HSF2BP: variants seen among roughly 807,000 people sequenced by gnomAD.
The protein encoded by HSF2BP is heat shock transcription factor 2 binding protein.
A neutral mutation model predicts 35.0 loss-of-function variants in HSF2BP; 35 were observed. That is an observed-to-expected ratio of 1.00 (90% CI 0.76 to 1.32). HSF2BP has a LOEUF of 1.32. HSF2BP is among the 40% of genes most tolerant of loss of function. The pLI is 0.00. For synonymous variants in HSF2BP, 114 were observed against 117.4 expected (o/e 0.97, Z 0.18); for missense variants, 326 against 321.7 (o/e 1.01, Z -0.10).
intron 7 of HSF2BP, among the ~76,000 whole-genome samples, chr21:43,596,656 G>A (rs1035825938): frequency 2.0e-5 from 3 of 151,920 alleles, no homozygotes; most frequent in Non-Finnish European, 4.4e-5. Flanking sequence ...GCTTGAGCCC[G>A]GAGTTCAAAA....
chr21:43,625,784 A>G (rs945805580), intron 6 of HSF2BP, among the ~76,000 whole-genome samples: 2 of 152,150 alleles, frequency 1.3e-5, no homozygotes, highest in African/African-American at 4.8e-5. Flanking sequence ...AGTGCCCACT[A>G]TCCAACTCTT....
intron 7 of HSF2BP, among the ~76,000 whole-genome samples, chr21:43,612,523 C>G (rs1032880952): frequency 6.6e-6 from 1 of 151,950 alleles, no homozygotes; most frequent in Admixed American, 6.6e-5. Context: ...TGGTGGCGGG[C>G]GCCTGTAGTC....
rs559680085 is a variant in HSF2BP at position 43,659,105 on chromosome 21, T to C, written c.-225+281A>G. Among the ~76,000 whole-genome samples, 2 of 152,102 alleles carry C rather than the reference T, an allele frequency of 1.3e-5. No homozygotes were observed. Among genetic ancestry groups the C allele is most frequent in the East Asian group, 3.9e-4 (2 of 5,120 alleles). The stretch of plus-strand genomic sequence containing the variant: ...TTGAGCCCAGGAGTTTGAGACCAGC[T>C]TGGGCAACATAGCGAGACACCGTCT... On this transcript the variant is annotated intron_variant, in intron 1 of 8. Transcript: ENST00000291560. The surrounding 1 kb of genome is among the most constrained non-coding windows in gnomAD (Gnocchi z 4.2).
chr21:43,596,387 TACACAC>T (rs112009393), intron 7 of HSF2BP, among the ~76,000 whole-genome samples: 1 of 147,350 alleles, frequency 6.8e-6, no homozygotes, highest in Non-Finnish European at 1.5e-5. Context: ...GCTAGTGAAA[TACACAC>T]ACACACACAC....
chr21:43,656,738 C>T lies in HSF2BP; in HGVS notation c.37-1G>A. On this transcript the variant is annotated splice_acceptor_variant, in intron 2 of 8. Transcript: ENST00000291560. LOFTEE classifies it high-confidence loss of function. ...CAAATTCCTCTTTAGTTCCCATGTG[C>T]TAAAAGAACAAGCAGATCTTATTAT... 1.2e-6 allele frequency: 2 copies of T among 1,608,154 alleles called. No individual in the cohort carries two copies. Among genetic ancestry groups the T allele is most frequent in the Non-Finnish European group, 1.7e-6 (2 of 1,178,266 alleles).
At chr21:43,576,516 T>C (rs2081646211) in intron 8 of HSF2BP, among the ~76,000 whole-genome samples, 3 of 152,202 alleles carry the variant, frequency 2.0e-5, no homozygotes, top group Admixed American at 6.5e-5. Context: ...TTTGCTTCCA[T>C]TGCTGTTCAT....
intron 3 of HSF2BP, among the ~76,000 whole-genome samples, chr21:43,653,194 GGGAAGGGGAAGGGA>G (rs2082816213): frequency 6.0e-5 from 1 of 16,710 alleles, no homozygotes; most frequent in East Asian, 3.9e-3. Context: ...GGGAAAGGAA[GGGAAGGGGAAGGGA>G]AGGGAAGGGG....
At chr21:43,588,789 AC>A (rs1208819068) in intron 8 of HSF2BP, among the ~76,000 whole-genome samples, 21 of 152,246 alleles carry the variant, frequency 1.4e-4, no homozygotes, top group Middle Eastern at 3.4e-3. Flanking sequence ...TAGTTACCTT[AC>A]AGGTCAGGTC....
At chr21:43,580,691 C>A (rs1358811955) in intron 8 of HSF2BP, among the ~76,000 whole-genome samples, 2 of 152,198 alleles carry the variant, frequency 1.3e-5, no homozygotes, top group Non-Finnish European at 2.9e-5. Context: ...TGGGCTAACG[C>A]AAAACTATCA....
intron 4 of HSF2BP, among the ~76,000 whole-genome samples, chr21:43,638,232 C>T (rs764308776): frequency 5.3e-5 from 8 of 152,040 alleles, no homozygotes; most frequent in African/African-American, 1.2e-4. Context: ...CCAAGGCAGG[C>T]GGATCACTTG....
chr21:43,629,507 G>A (rs1433558285), intron 6 of HSF2BP, among the ~76,000 whole-genome samples: 1 of 152,258 alleles, frequency 6.6e-6, no homozygotes. Flanking sequence ...GGAGGCTGCA[G>A]TGAGCCGAGA....
chr21:43,643,005 C>T (rs1568937721), intron 4 of HSF2BP, among the ~76,000 whole-genome samples: 2 of 151,992 alleles, frequency 1.3e-5, no homozygotes, highest in Admixed American at 6.5e-5. Context: ...AGCCACTGTA[C>T]CTGGCCTGTT....
intron 7 of HSF2BP, among the ~76,000 whole-genome samples, chr21:43,599,867 C>CAAAAAAA (rs11379827): frequency 7.5e-6 from 1 of 132,506 alleles, no homozygotes; most frequent in African/African-American, 2.8e-5. Flanking sequence ...CTTCCAATGA[C>CAAAAAAA]AAAAAAAAAA....
At chr21:43,650,355 C>T (rs1205098531) in intron 3 of HSF2BP, among the ~76,000 whole-genome samples, 1 of 151,872 alleles carries the variant, frequency 6.6e-6, no homozygotes, top group East Asian at 1.9e-4. Context: ...TACAGGCGCC[C>T]GCCACCATGC....
At chr21:43,579,205 G>A (rs2838323) in intron 8 of HSF2BP, among the ~76,000 whole-genome samples, 92,374 of 152,038 alleles carry the variant, frequency 0.61, 28,376 homozygotes, top group East Asian at 0.79. Flanking sequence ...CATTAGCTGC[G>A]GTTTTCTAAT....
At chr21:43,624,097 A>C (rs1014262467) in intron 6 of HSF2BP, among the ~76,000 whole-genome samples, 30 of 152,236 alleles carry the variant, frequency 2.0e-4, no homozygotes, top group Admixed American at 4.6e-4. Flanking sequence ...TCAAAAAGCT[A>C]AACAGAGTTA....
At chr21:43,590,639 G>A (rs2081913947) in intron 8 of HSF2BP, among the ~76,000 whole-genome samples, 1 of 152,134 alleles carries the variant, frequency 6.6e-6, no homozygotes, top group African/African-American at 2.4e-5. Flanking sequence ...GGAATATTTA[G>A]CAATAAAAAA....
At chr21:43,643,817 C>T (rs1489788000) in intron 4 of HSF2BP, among the ~76,000 whole-genome samples, 1 of 151,946 alleles carries the variant, frequency 6.6e-6, no homozygotes, top group Non-Finnish European at 1.5e-5. Context: ...ACTTAGCCGG[C>T]CGTGGTGGCG....
In HSF2BP at chr21:43,611,044, T is replaced by C. The variant is rs111367060; in HGVS notation, c.692+2786A>G. Among the ~76,000 whole-genome samples, 477 of 152,234 alleles carry C rather than the reference T, an allele frequency of 3.1e-3. 3 individuals carry two copies. Among genetic ancestry groups the C allele is most frequent in the African/African-American group, 0.011 (452 of 41,526 alleles). On this transcript the variant is annotated intron_variant, in intron 7 of 8. Transcript: ENST00000291560. The stretch of plus-strand genomic sequence containing the variant: ...CCAAACAAAACCATCTATGCCAGCC[T>C]GGGCAACATGGAGAGACCCCGTCTC...
Sources: gnomAD v4.1 joint callset for allele counts (sites outside exome capture counted in the v4.1 genomes callset) on GRCh38, gnomAD v4.1.1 for gene constraint, Gnocchi (gnomAD v3.1) non-coding constraint, MANE v1.5 for transcripts, NCBI Gene and HGNC (gene_info 2026-07-23, HGNC 2026-07-21) for gene names.